The following SMYD3 variants were observed in gnomAD, a reference collection of about 807,000 sequenced individuals.
SMYD3 encodes the protein histone-lysine N-methyltransferase SMYD3.
Under a neutral mutation model 57.7 loss-of-function variants are expected in SMYD3, and 36 were observed. The ratio of observed to expected loss-of-function variants is 0.62; its 90% CI spans 0.48 to 0.82. The LOEUF (loss-of-function observed/expected upper bound fraction) is 0.82, where lower values mean the gene tolerates loss of function less well. SMYD3 is among the 40% of genes least tolerant of loss of function. SMYD3 has a pLI of 0.00. For missense variants in SMYD3, 515 were observed against 538.8 expected, an observed-to-expected ratio of 0.96 and a Z score of 0.44; for synonymous variants, 211 against 195.0, an observed-to-expected ratio of 1.08 and a Z score of -0.68.
At chr1:246,459,130 T>C (rs2067753200) in intron 1 of SMYD3, among the ~76,000 whole-genome samples, 1 of 152,212 alleles carries the variant, frequency 6.6e-6, no homozygotes, top group East Asian at 1.9e-4. Context: ...GATATTGTTG[T>C]TTGAAAATGT....
intron 5 of SMYD3, among the ~76,000 whole-genome samples, chr1:246,005,035 G>A (rs187158297): frequency 6.6e-6 from 1 of 152,120 alleles, no homozygotes; most frequent in Non-Finnish European, 1.5e-5. Context: ...TTTTTCTAGA[G>A]ATGGAGTTTC....
intron 5 of SMYD3, among the ~76,000 whole-genome samples, chr1:245,951,142 A>T: frequency 6.6e-6 from 1 of 151,980 alleles, no homozygotes; most frequent in Non-Finnish European, 1.5e-5. Flanking sequence ...TTTCTGCATC[A>T]CTCTTATTAC....
At chr1:246,078,893 T>C (rs1012006169) in intron 5 of SMYD3, among the ~76,000 whole-genome samples, 2 of 152,248 alleles carry the variant, frequency 1.3e-5, no homozygotes, top group African/African-American at 2.4e-5. Flanking sequence ...GTATCTACCA[T>C]GGTTCCAGGT....
At chr1:246,407,671 G>A (rs994514037) in intron 1 of SMYD3, among the ~76,000 whole-genome samples, 3 of 151,802 alleles carry the variant, frequency 2.0e-5, no homozygotes, top group East Asian at 3.9e-4. Context: ...GTGAAACCTC[G>A]TCTCTACTAC....
chr1:245,957,663 A>G (rs2057886538), intron 5 of SMYD3, among the ~76,000 whole-genome samples: 1 of 152,226 alleles, frequency 6.6e-6, no homozygotes, highest in South Asian at 2.1e-4. Context: ...TTTTCAAACA[A>G]AACGTATCTG....
rs74951649 is a variant in SMYD3, at chr1:246,324,955, T to C, written c.531+2246A>G. Among the ~76,000 whole-genome samples, 492 of 139,996 alleles carry C rather than the reference T, an allele frequency of 3.5e-3. 2 individuals are homozygous for C. Among genetic ancestry groups the C allele is most frequent in the Non-Finnish European group, 6.0e-3 (394 of 65,612 alleles). The allele number at this position is 139,996 out of a possible 152,430, so 91.8% of individuals were successfully genotyped here. ...AGGATCTATTTAGGTTAATTTAGGA[T>C]CTTTCATGAACAAGGAAGGAGAAGG... On this transcript the variant is annotated intron_variant, in intron 5 of 11. Transcript: ENST00000490107.
intron 10 of SMYD3, among the ~76,000 whole-genome samples, chr1:245,816,390 C>G (rs1417722845): frequency 1.3e-5 from 2 of 151,912 alleles, no homozygotes; most frequent in Non-Finnish European, 2.9e-5. Flanking sequence ...GGCTCTAAAA[C>G]AGGATTCTCA....
At chr1:246,008,482 A>G (rs898704237) in intron 5 of SMYD3, among the ~76,000 whole-genome samples, 2 of 152,224 alleles carry the variant, frequency 1.3e-5, no homozygotes, top group African/African-American at 4.8e-5. Context: ...TCGGCCCATT[A>G]ACATTTCTGT....
chr1:246,309,657 C>G (rs778417702), intron 5 of SMYD3, among the ~76,000 whole-genome samples: 1 of 152,074 alleles, frequency 6.6e-6, no homozygotes, highest in Non-Finnish European at 1.5e-5. Flanking sequence ...ATGAAATGCT[C>G]CCAAGGACAC....
At chr1:245,787,611 G>A (rs997676466) in intron 10 of SMYD3, among the ~76,000 whole-genome samples, 2 of 146,524 alleles carry the variant, frequency 1.4e-5, no homozygotes, top group African/African-American at 5.1e-5. Context: ...AGAAAAGTCT[G>A]ATCCCATCAG....
intron 5 of SMYD3, among the ~76,000 whole-genome samples, chr1:246,166,386 T>G (rs2062211858): frequency 6.6e-6 from 1 of 152,208 alleles, no homozygotes; most frequent in African/African-American, 2.4e-5. Flanking sequence ...CTACCCTGAT[T>G]AGGAGGAGGA....
At chr1:246,385,499 G>GTA (rs2066461561) in intron 1 of SMYD3, among the ~76,000 whole-genome samples, 2 of 151,982 alleles carry the variant, frequency 1.3e-5, no homozygotes, top group Non-Finnish European at 1.5e-5. Context: ...TCAAATCTGT[G>GTA]TATACTGCAT....
rs534964652 is a variant in SMYD3, at chr1:246,107,147, C to T, written c.532-177210G>A. ...CTAAAAATACAAAAAATTAGCCAGG[C>T]GTGGTGGCAGGCGCCTGTAGTCCCA... is the stretch of plus-strand genomic sequence containing the variant. On this transcript the variant is annotated intron_variant, in intron 5 of 11. Transcript: ENST00000490107. Among the ~76,000 whole-genome samples, 28 of 146,772 alleles carry T rather than the reference C, an allele frequency of 1.9e-4. 1 individual carries two copies. In the South Asian group the frequency reaches 3.3e-3, roughly 17 times the overall value.
At chr1:246,480,256 T>A (rs1270489761) in intron 1 of SMYD3, among the ~76,000 whole-genome samples, 2 of 152,276 alleles carry the variant, frequency 1.3e-5, no homozygotes, top group Non-Finnish European at 2.9e-5. Context: ...TGCCTTGGCC[T>A]CCCAAAGCGT....
chr1:246,374,822 G>A (rs994231077), intron 1 of SMYD3, among the ~76,000 whole-genome samples: 9 of 150,624 alleles, frequency 6.0e-5, no homozygotes, highest in Non-Finnish European at 1.0e-4. Context: ...GCCAGGCGCC[G>A]TGGCTCACGT....
At chr1:245,939,850 C>T (rs537190386) in intron 5 of SMYD3, among the ~76,000 whole-genome samples, 3 of 152,200 alleles carry the variant, frequency 2.0e-5, no homozygotes, top group African/African-American at 7.2e-5. Flanking sequence ...ACTGAAATAC[C>T]ACTGGTCCCT....
rs75025399 is a variant in SMYD3, at chr1:246,273,575, C to CTTTTTTT, written c.531+53619_531+53625dup. Reference sequence around the variant, plus strand: ...GAACGCAGCTTTTGGTTTCACTAATCTTTTTTTTTTTTTTTTTTTTTTTTT... The same window carrying CTTTTTTT: ...GAACGCAGCTTTTGGTTTCACTAATCTTTTTTTTTTTTTTTTTTTTTTTTTTTTTTTT... On this transcript the variant is annotated intron_variant, in intron 5 of 11. Transcript: ENST00000490107. Among the ~76,000 whole-genome samples, 15 of 84,384 alleles carry CTTTTTTT rather than the reference C, an allele frequency of 1.8e-4. 1 individual carries two copies. The highest frequency in any genetic ancestry group is 3.9e-4 in the African/African-American group (8 of 20,740). 55.4% of individuals were successfully genotyped at this position (84,384 alleles called of 152,430 possible).
At chr1:246,084,663 G>T (rs145781498) in intron 5 of SMYD3, among the ~76,000 whole-genome samples, 3 of 152,074 alleles carry the variant, frequency 2.0e-5, no homozygotes, top group African/African-American at 4.8e-5. Context: ...ATGTATTTAC[G>T]AGGGTCATTG....
chr1:246,329,164 T>G (rs1223850123), intron 4 of SMYD3, among the ~76,000 whole-genome samples: 1 of 152,204 alleles, frequency 6.6e-6, no homozygotes, highest in African/African-American at 2.4e-5. Context: ...TGTGCATGTG[T>G]CTCTATAGCA....
Sources: gnomAD v4.1 joint callset for allele counts (sites outside exome capture counted in the v4.1 genomes callset) on GRCh38, gnomAD v4.1.1 for gene constraint, MANE v1.5 for transcripts, NCBI Gene and HGNC (gene_info 2026-07-23, HGNC 2026-07-21) for gene names.